NCOR2: variants seen among roughly 807,000 people sequenced by gnomAD.
The protein encoded by NCOR2 is CTG repeat protein 26.
A neutral mutation model predicts 262.9 loss-of-function variants in NCOR2; 81 were observed. The ratio of observed to expected loss-of-function variants is 0.31; its 90% CI spans 0.26 to 0.37. NCOR2 has a LOEUF of 0.37. Among genes scored for constraint, NCOR2 ranks in the 10% least tolerant of loss-of-function variants. The probability of loss-of-function intolerance (pLI) is 1.00; values close to 1 mark genes in which losing one functional copy is unlikely to be tolerated. For missense variants in NCOR2, 3,385 were observed against 3,621.4 expected, an observed-to-expected ratio of 0.93 and a Z score of 1.68; for synonymous variants, 1,659 against 1,559.3, an observed-to-expected ratio of 1.06 and a Z score of -1.51.
Position 124,454,934 on chromosome 12 carries a change from C to T in NCOR2, c.762+2172G>A, listed in dbSNP as rs575272055. Among the ~76,000 whole-genome samples the T allele has an allele frequency of 2.6e-5, 4 of 152,294 alleles. No individual in the cohort carries two copies. The highest frequency in any genetic ancestry group is 3.9e-4 in the East Asian group (2 of 5,184). On this transcript the variant is annotated intron_variant, in intron 6 of 46. Transcript: ENST00000405201. The surrounding 1 kb of genome is among the most constrained non-coding windows in gnomAD (Gnocchi z 5.6). ...CCGACTGATGAGTGGGTAAACAACACGTGACCTACCCCTACAGTGAAATAT... is the reference window on the plus strand; with the variant it reads ...CCGACTGATGAGTGGGTAAACAACATGTGACCTACCCCTACAGTGAAATAT...
At chr12:124,329,686 G>A (rs1421035756) in intron 44 of NCOR2, among the ~76,000 whole-genome samples, 1 of 152,214 alleles carries the variant, frequency 6.6e-6, no homozygotes, top group Non-Finnish European at 1.5e-5. Flanking sequence ...GGAGGCTGCA[G>A]TGAGCTGTGA....
chr12:124,429,069 GC>G (rs1428962081), intron 10 of NCOR2, among the ~76,000 whole-genome samples: 13 of 152,372 alleles, frequency 8.5e-5, no homozygotes, highest in African/African-American at 2.9e-4. Context: ...CCCCAAAGAG[GC>G]CTGAGGGGAA....
intron 20 of NCOR2, among the ~76,000 whole-genome samples, chr12:124,370,406 T>A (rs1372349785): frequency 6.6e-6 from 1 of 152,110 alleles, no homozygotes; most frequent in Non-Finnish European, 1.5e-5. Context: ...CTTCCCCCTT[T>A]AACATGGCCC....
chr12:124,560,325 G>A (rs1431938956), intron 1 of NCOR2, among the ~76,000 whole-genome samples: 1 of 152,278 alleles, frequency 6.6e-6, no homozygotes, highest in Non-Finnish European at 1.5e-5. Context: ...GTAAATGAGT[G>A]AGCGTGGCTG....
chr12:124,567,102 A>G (rs1218929471), intron 1 of NCOR2, among the ~76,000 whole-genome samples: 1 of 147,040 alleles, frequency 6.8e-6, no homozygotes, highest in African/African-American at 2.6e-5. Flanking sequence ...GAGTTCCCCT[A>G]AGTTCCCCGG....
intron 7 of NCOR2, among the ~76,000 whole-genome samples, chr12:124,441,776 C>T (rs148688493): frequency 6.6e-6 from 1 of 152,350 alleles, no homozygotes; most frequent in African/African-American, 2.4e-5. Context: ...AGGGATAACT[C>T]TAAGGCGACA....
At position 124,430,573 on chromosome 12, in the gene NCOR2, C is replaced by T. The variant is rs200844803; in HGVS notation, c.1055+42G>A. 333 of 1,569,192 alleles carry T rather than the reference C, an allele frequency of 2.1e-4. No individual in the cohort carries two copies. The African/African-American group carries it at 3.1e-3, about 15-fold the overall frequency. On this transcript the variant is annotated intron_variant, in intron 9 of 46. Transcript: ENST00000405201. ...CTACTGAGGATGCTGGAGCTGACCCCGGGCCCTGACGTCGGGGGCCCTGGG... is the reference window on the plus strand; with the variant it reads ...CTACTGAGGATGCTGGAGCTGACCCTGGGCCCTGACGTCGGGGGCCCTGGG...
rs566385043 is a variant in NCOR2 at position 124,534,056 on chromosome 12, G to A, written c.-118+1509C>T. 2.0e-5 allele frequency among the ~76,000 whole-genome samples: 3 copies of A among 152,006 alleles called. No individual in the cohort carries two copies. In the South Asian group the frequency reaches 6.2e-4, roughly 32 times the overall value. On this transcript the variant is annotated intron_variant, in intron 1 of 46. Transcript: ENST00000404621. ...AAGATTGGACAACCCTGGTGTAGCC[G>A]ACGGTTCCCAGGCTACCACCTGTAC... is the stretch of plus-strand genomic sequence containing the variant.
chr12:124,561,644 C>T (rs537483741), intron 1 of NCOR2, among the ~76,000 whole-genome samples: 4 of 152,166 alleles, frequency 2.6e-5, no homozygotes, highest in Admixed American at 2.6e-4. Flanking sequence ...GCACACCAGG[C>T]TAGGTTTGGG....
rs189639052 is a variant in NCOR2 at position 124,555,562 on chromosome 12, G to A, written c.-165+11746C>T. The stretch of plus-strand genomic sequence containing the variant: ...GCAGTTACCCCCATTCTACAGATGC[G>A]GAAACGAGCACAAAGTGACAGAAAG... On this transcript the variant is annotated intron_variant, in intron 1 of 32. Coordinates refer to the NCOR2 transcript ENST00000458234. Among the ~76,000 whole-genome samples the A allele has an allele frequency of 9.8e-5, 15 of 152,318 alleles. No homozygotes were observed. In the East Asian group the frequency reaches 1.9e-3, roughly 20 times the overall value.
At chr12:124,399,494 T>C (rs1190912024) in intron 15 of NCOR2, among the ~76,000 whole-genome samples, 1 of 152,130 alleles carries the variant, frequency 6.6e-6, no homozygotes, top group Admixed American at 6.5e-5. Context: ...CTGCAGGAGC[T>C]GCATAGGCTC....
intron 16 of NCOR2, among the ~76,000 whole-genome samples, chr12:124,397,917 G>A (rs1470272725): frequency 1.3e-5 from 2 of 152,250 alleles, no homozygotes; most frequent in Non-Finnish European, 2.9e-5. Context: ...TGACAGCGCA[G>A]CTGCACAGAC....
At chr12:124,563,175 T>C (rs1236986855) in intron 1 of NCOR2, among the ~76,000 whole-genome samples, 5 of 152,156 alleles carry the variant, frequency 3.3e-5, no homozygotes, top group Non-Finnish European at 5.9e-5. Flanking sequence ...GGCCCACTGC[T>C]TGTAAATGGC....
chr12:124,375,595 A>T (rs542386345), intron 18 of NCOR2, among the ~76,000 whole-genome samples: 1 of 152,274 alleles, frequency 6.6e-6, no homozygotes, highest in Non-Finnish European at 1.5e-5. Flanking sequence ...AAAAACCACC[A>T]AAAATAAAAA....
intron 13 of NCOR2, among the ~76,000 whole-genome samples, chr12:124,404,597 G>A (rs939390663): frequency 8.5e-5 from 13 of 152,230 alleles, no homozygotes; most frequent in African/African-American, 2.9e-4. Flanking sequence ...CCATCAGGCC[G>A]CAGGCAGGGG....
At chr12:124,445,022 G>A (rs144199361) in intron 7 of NCOR2, among the ~76,000 whole-genome samples, 1,535 of 152,194 alleles carry the variant, frequency 0.01, 16 homozygotes, top group African/African-American at 0.026. Context: ...GCACAGCCCC[G>A]GGTCTGACAG....
intron 12 of NCOR2, among the ~76,000 whole-genome samples, chr12:124,421,139 C>T (rs1232040764): frequency 6.6e-6 from 1 of 152,274 alleles, no homozygotes; most frequent in Non-Finnish European, 1.5e-5. Flanking sequence ...CACAGACTGG[C>T]TGGTCCACCT....
chr12:124,347,223 C>A (rs1270765945), intron 30 of NCOR2, among the ~76,000 whole-genome samples: 1 of 152,118 alleles, frequency 6.6e-6, no homozygotes, highest in Admixed American at 6.5e-5. Flanking sequence ...CAAAAATTAG[C>A]TAGATGTGGT....
rs2050067862 is a variant in NCOR2 at position 124,519,717 on chromosome 12, T to G, written c.-118+15848A>C. The stretch of plus-strand genomic sequence containing the variant: ...TTGAGAGTAATAATATTAATAACAA[T>G]AACAGTGGCCACACACACCGAGCCC... On this transcript the variant is annotated intron_variant, in intron 1 of 46. Transcript: ENST00000404621. Among the ~76,000 whole-genome samples the G allele has an allele frequency of 1.3e-5, 2 of 152,082 alleles. 1 individual carries two copies. Among genetic ancestry groups the G allele is most frequent in the South Asian group, 4.1e-4 (2 of 4,828 alleles).
Sources: allele counts gnomAD v4.1 joint callset (sites outside exome capture counted in the v4.1 genomes callset), GRCh38; gene constraint gnomAD v4.1.1; non-coding constraint Gnocchi (gnomAD v3.1); transcripts MANE v1.5; gene names NCBI Gene and HGNC (gene_info 2026-07-23, HGNC 2026-07-21).